Variants in CTNND2 observed in about 807,000 individuals in gnomAD.
CTNND2 encodes catenin delta 2.
In CTNND2, 22 loss-of-function variants were observed where a neutral mutation model predicts 144.4. The observed-to-expected ratio is 0.15, with a 90% CI of 0.11 to 0.22. The LOEUF is 0.22. Ranked by LOEUF, CTNND2 falls within the 10% of genes least tolerant of loss-of-function variation. The probability of loss-of-function intolerance (pLI) is 1.00; values close to 1 mark genes in which losing one functional copy is unlikely to be tolerated. For missense variants in CTNND2, 1,353 were observed against 1,618.8 expected (o/e 0.84, Z 2.82); for synonymous variants, 751 against 695.6 (o/e 1.08, Z -1.25).
intron 7 of CTNND2, among the ~76,000 whole-genome samples, chr5:11,382,595 C>CTGTGTGTGTA (rs1758610630): frequency 7.7e-6 from 1 of 130,148 alleles, no homozygotes; most frequent in Non-Finnish European, 1.6e-5. Context: ...GAGTGAGACT[C>CTGTGTGTGTA]TGTGTGTGTG....
chr5:11,649,824 C>T (rs1360927021), intron 2 of CTNND2, among the ~76,000 whole-genome samples: 1 of 152,112 alleles, frequency 6.6e-6, no homozygotes, highest in Non-Finnish European at 1.5e-5. Context: ...TATCAGAATG[C>T]TTTACAACAA....
chr5:10,973,597 A>C lies in CTNND2; in HGVS notation c.3534T>G (p.His1178Gln), dbSNP rs1229018933. Residue 1178 changes from histidine to glutamine, a missense_variant, in exon 22 of 22, where the codon CAT becomes CAG. His to Gln is a conservative substitution (Grantham distance 24). Transcript: ENST00000304623. The surrounding 1 kb of genome is among the most constrained non-coding windows in gnomAD (Gnocchi z 5.6). Reference sequence around the variant, plus strand: ...TGGTGTACTCGCTGGCGGGAGGGCGATGGTGGACCTGGTCCTCGAAGAAGG... The same window carrying C: ...TGGTGTACTCGCTGGCGGGAGGGCGCTGGTGGACCTGGTCCTCGAAGAAGG... ...DESFFEDQVHHRPPASEYTMH... is the reference protein window; with the variant it reads ...DESFFEDQVHQRPPASEYTMH... The C allele has an allele frequency of 6.2e-7, 1 of 1,614,004 alleles. No individual in the cohort carries two copies. The highest frequency in any genetic ancestry group is 2.2e-5 in the East Asian group (1 of 44,886).
chr5:10,977,914 G>A (rs562126844), intron 21 of CTNND2, among the ~76,000 whole-genome samples: 4 of 152,336 alleles, frequency 2.6e-5, no homozygotes, highest in African/African-American at 7.2e-5. Flanking sequence ...CAGCACCCAC[G>A]TGTGGCCATG....
chr5:11,591,688 C>T (rs247647), intron 2 of CTNND2, among the ~76,000 whole-genome samples: 120,943 of 152,002 alleles, frequency 0.8, 48,573 homozygotes, highest in Middle Eastern at 0.92. Flanking sequence ...GTTAACTTTC[C>T]CTTACATCAC....
chr5:11,016,500 A>G (rs979853240), intron 18 of CTNND2, among the ~76,000 whole-genome samples: 1 of 152,170 alleles, frequency 6.6e-6, no homozygotes, highest in Admixed American at 6.5e-5. Context: ...CTCATTCCCT[A>G]TGATGTGAGC....
At chr5:11,350,930 T>C (rs1755271070) in intron 8 of CTNND2, among the ~76,000 whole-genome samples, 1 of 152,190 alleles carries the variant, frequency 6.6e-6, no homozygotes, top group South Asian at 2.1e-4. Flanking sequence ...GCTATTATTA[T>C]TACCATTAAG....
At chr5:11,261,923 T>C (rs1009431425) in intron 9 of CTNND2, among the ~76,000 whole-genome samples, 13 of 152,260 alleles carry the variant, frequency 8.5e-5, no homozygotes, top group African/African-American at 3.1e-4. Flanking sequence ...AGATAAATAT[T>C]TAAAGTTAAG....
intron 1 of CTNND2, among the ~76,000 whole-genome samples, chr5:11,865,904 A>AAAAAAAAAAAAAAC (rs1560943445): frequency 6.7e-6 from 1 of 148,808 alleles, no homozygotes; most frequent in East Asian, 2.0e-4. Context: ...GGAAGAGACA[A>AAAAAAAAAAAAAAC]AAAAAAAAAA....
chr5:11,088,230 T>G (rs993103464), intron 15 of CTNND2, among the ~76,000 whole-genome samples: 87 of 152,296 alleles, frequency 5.7e-4, no homozygotes, highest in African/African-American at 2.1e-3. Context: ...GCCTCAGATC[T>G]TATTCTGAGA....
intron 6 of CTNND2, among the ~76,000 whole-genome samples, chr5:11,387,082 T>TTACC (rs1246469681): frequency 6.6e-6 from 1 of 151,760 alleles, no homozygotes; most frequent in Non-Finnish European, 1.5e-5. Flanking sequence ...TACTCATGAC[T>TTACC]TACCATTGCT....
rs114154149 is a variant in CTNND2 at position 11,500,901 on chromosome 5, A to G, written c.287+64043T>C. Among the ~76,000 whole-genome samples, 288 of 152,372 alleles carry G rather than the reference A, an allele frequency of 1.9e-3. 2 individuals carry two copies. The highest frequency in any genetic ancestry group is 6.6e-3 in the African/African-American group (275 of 41,596). On this transcript the variant is annotated intron_variant, in intron 3 of 21. Coordinates refer to ENST00000304623, the MANE Select transcript of CTNND2 (RefSeq NM_001332.4). ...AAGGATTATTATTACTATATAGACA[A>G]AACCTAATGGACCCTGATGTAAAGA...
At chr5:11,804,318 T>C (rs941806998) in intron 1 of CTNND2, among the ~76,000 whole-genome samples, 4 of 152,194 alleles carry the variant, frequency 2.6e-5, no homozygotes, top group African/African-American at 9.7e-5. Context: ...CAACTAAATA[T>C]AGCCTTACTA....
In CTNND2 at chr5:10,971,927, A is replaced by G. The variant is rs1735901977; in HGVS notation, c.*1526T>C. 6.6e-6 allele frequency: 1 copy of G among 152,642 alleles called. No homozygotes were observed. The highest frequency in any genetic ancestry group is 1.5e-5 in the Non-Finnish European group (1 of 68,030). The allele number at this position is 152,642 out of a possible 1,614,324, so 9.5% of individuals were successfully genotyped here. On this transcript the variant is annotated 3_prime_UTR_variant, in exon 22 of 22. Coordinates refer to ENST00000304623, the MANE Select transcript of CTNND2 (RefSeq NM_001332.4). ...CTCAGCCACTTGCATCTAAAGAGCA[A>G]AGCTAGTTTACCCGCGGCCCATGTT...
intron 9 of CTNND2, among the ~76,000 whole-genome samples, chr5:11,322,832 G>A (rs1043238205): frequency 2.6e-5 from 4 of 152,136 alleles, no homozygotes; most frequent in Non-Finnish European, 4.4e-5. Context: ...GAGATTGTAT[G>A]TATACTTGCT....
chr5:11,187,436 C>A (rs1735748438), intron 11 of CTNND2, among the ~76,000 whole-genome samples: 1 of 152,148 alleles, frequency 6.6e-6, no homozygotes, highest in Non-Finnish European at 1.5e-5. Context: ...TTCCTTACAC[C>A]TTACACAAAA....
intron 3 of CTNND2, among the ~76,000 whole-genome samples, chr5:11,505,723 T>C (rs796843334): frequency 4.3e-4 from 66 of 152,284 alleles, no homozygotes; most frequent in African/African-American, 1.4e-3. Context: ...TACTTATATC[T>C]CCATGCTTGT....
Position 11,731,214 on chromosome 5 carries a change from G to A in CTNND2, c.174+922C>T, listed in dbSNP as rs538392012. Among the ~76,000 whole-genome samples the A allele has an allele frequency of 3.9e-4, 59 of 152,316 alleles. No homozygotes were observed. In the East Asian group the frequency reaches 0.011, roughly 29 times the overall value. On this transcript the variant is annotated intron_variant, in intron 2 of 21. Coordinates refer to ENST00000304623, the MANE Select transcript of CTNND2 (RefSeq NM_001332.4). ...ATAGCATCATTGATCCCTTCGGTCA[G>A]TGGGTTGACTGTTTAGGTGGTTTCC...
At chr5:11,337,109 G>C (rs1225236250) in intron 9 of CTNND2, among the ~76,000 whole-genome samples, 1 of 152,150 alleles carries the variant, frequency 6.6e-6, no homozygotes, top group Non-Finnish European at 1.5e-5. Flanking sequence ...TTGAAGCACA[G>C]AACCTTCTTT....
At chr5:11,776,089 A>C (rs767135472) in intron 1 of CTNND2, among the ~76,000 whole-genome samples, 1 of 152,156 alleles carries the variant, frequency 6.6e-6, no homozygotes, top group Non-Finnish European at 1.5e-5. Flanking sequence ...TTGGGTTTAG[A>C]ACTTCCAGCC....
Sources: gnomAD v4.1 joint callset for allele counts (sites outside exome capture counted in the v4.1 genomes callset) on GRCh38, gnomAD v4.1.1 for gene constraint, Gnocchi (gnomAD v3.1) non-coding constraint, MANE v1.5 for transcripts, NCBI Gene and HGNC (gene_info 2026-07-23, HGNC 2026-07-21) for gene names.